SLC45A4: variants seen among roughly 807,000 people sequenced by gnomAD.
SLC45A4 encodes the protein polyamine-transporter SLC45A4.
SLC45A4 carries 32 observed loss-of-function variants against 63.7 expected under a neutral mutation model. That is an observed-to-expected ratio of 0.50 (90% CI 0.38 to 0.67). The LOEUF is 0.67. SLC45A4 is among the 30% of genes least tolerant of loss of function. The pLI, the probability that SLC45A4 is intolerant of heterozygous loss-of-function variation, is 0.00. For missense variants in SLC45A4, 1,027 were observed against 1,157.7 expected, an observed-to-expected ratio of 0.89 and a Z score of 1.64; for synonymous variants, 535 against 510.0, an observed-to-expected ratio of 1.05 and a Z score of -0.66.
At position 141,256,895 on chromosome 8, in the gene SLC45A4, C is replaced by T. The variant is rs942472688; in HGVS notation, c.-400-2266G>A. 14 of 327,086 alleles carry T rather than the reference C, an allele frequency of 4.3e-5. No homozygotes were observed. Among genetic ancestry groups the T allele is most frequent in the African/African-American group, 2.6e-4 (12 of 46,008 alleles). 20.3% of individuals were successfully genotyped at this position (327,086 alleles called of 1,614,324 possible). On this transcript the variant is annotated intron_variant, in intron 1 of 8. Coordinates refer to ENST00000517878, the MANE Select transcript of SLC45A4 (RefSeq NM_001286646.2). This position sits in a 1 kb window ranked among gnomAD's most constrained non-coding sequence, Gnocchi z 4.3. ...TTTTGAGACAGTCTCGCTCTGTTGC[C>T]CAGGCTGGAGTGCAGTGGTGTGATC... is the stretch of plus-strand genomic sequence containing the variant.
intron 1 of SLC45A4, among the ~76,000 whole-genome samples, chr8:141,262,807 G>A (rs1426579767): frequency 2.0e-5 from 3 of 149,794 alleles, no homozygotes; most frequent in Non-Finnish European, 3.0e-5. Flanking sequence ...TCAGTGTGGC[G>A]ATTCCTCAGG....
At position 141,221,780 on chromosome 8, in the gene SLC45A4, A is replaced by T; in HGVS notation, c.242-15T>A. The T allele has an allele frequency of 6.2e-7, 1 of 1,608,132 alleles. No homozygotes were observed. The highest frequency in any genetic ancestry group is 1.1e-5 in the South Asian group (1 of 90,966). ...CTCCGGAAGGCCTGCAAGGGACACG[A>T]GGGCCGTCGCACACGCAGGCACTGG... On this transcript the variant is annotated splice_polypyrimidine_tract_variant and intron_variant, in intron 2 of 8. Transcript: ENST00000517878.
At position 141,274,698 on chromosome 8, in the gene SLC45A4, A is replaced by T. The variant is rs142667563; in HGVS notation, c.-400-20069T>A. ...TCTCCTCAATACCAGGGGCTCCGCC[A>T]GAAACTAAGGCTGAAGGTCAGCCAT... is the stretch of plus-strand genomic sequence containing the variant. On this transcript the variant is annotated intron_variant, in intron 1 of 8. Coordinates refer to ENST00000517878, the MANE Select transcript of SLC45A4 (RefSeq NM_001286646.2). Among the ~76,000 whole-genome samples, 575 of 152,326 alleles carry T rather than the reference A, an allele frequency of 3.8e-3. 8 individuals carry two copies. Among genetic ancestry groups the T allele is most frequent in the African/African-American group, 0.013 (549 of 41,582 alleles).
At chr8:141,302,393 T>G (rs1338014007) in intron 1 of SLC45A4, among the ~76,000 whole-genome samples, 3 of 49,232 alleles carry the variant, frequency 6.1e-5, no homozygotes, top group South Asian at 7.3e-4. Context: ...CCATCCCCGC[T>G]GCCCTCCCTC....
At chr8:141,216,029 C>T (rs981577760) in intron 6 of SLC45A4, 59 bp from the exon 7 acceptor site, 193 of 1,480,524 alleles carry the variant, frequency 1.3e-4, no homozygotes, top group Middle Eastern at 3.9e-4. Flanking sequence ...CTGTCGGGCT[C>T]CCTCCACCAT....
intron 1 of SLC45A4, among the ~76,000 whole-genome samples, chr8:141,288,776 A>G (rs888145630): frequency 2.0e-5 from 3 of 152,226 alleles, no homozygotes; most frequent in African/African-American, 7.2e-5. Flanking sequence ...GGCCCTGGCT[A>G]CTTCATGCAG....
At chr8:141,255,712 T>A (rs1340340640) in intron 1 of SLC45A4, among the ~76,000 whole-genome samples, 4 of 149,530 alleles carry the variant, frequency 2.7e-5, no homozygotes, top group African/African-American at 5.0e-5. Context: ...TGAGACCCTG[T>A]CTCAAAAAAC....
In SLC45A4 at chr8:141,256,909, AG is replaced by A. The variant is rs1310606383; in HGVS notation, c.-400-2281del. On this transcript the variant is annotated intron_variant, in intron 1 of 8. Transcript: ENST00000517878. The surrounding 1 kb of genome is among the most constrained non-coding windows in gnomAD (Gnocchi z 4.3). ...CGCTCTGTTGCCCAGGCTGGAGTGC[AG>A]TGGTGTGATCTCGGCTCACTGCAAC... is the stretch of plus-strand genomic sequence containing the variant. 6 of 303,090 alleles carry A rather than the reference AG, an allele frequency of 2.0e-5. No individual in the cohort carries two copies. The East Asian group carries it at 5.2e-4, about 26-fold the overall frequency. The allele number at this position is 303,090 out of a possible 1,614,324, so 18.8% of individuals were successfully genotyped here.
chr8:141,287,771 A>C (rs572483117), intron 1 of SLC45A4, among the ~76,000 whole-genome samples: 9 of 152,184 alleles, frequency 5.9e-5, no homozygotes, highest in Non-Finnish European at 1.3e-4. Context: ...AACAGCTAGA[A>C]TCTCCAGCAT....
At chr8:141,263,642 T>C (rs1829134310) in intron 1 of SLC45A4, among the ~76,000 whole-genome samples, 1 of 150,902 alleles carries the variant, frequency 6.6e-6, no homozygotes, top group Non-Finnish European at 1.5e-5. Flanking sequence ...TGGTGGCATG[T>C]GCCTGTAATC....
In SLC45A4 at chr8:141,229,425, C is replaced by G. The variant is rs1168160801; in HGVS notation, c.242-7660G>C. Among the ~76,000 whole-genome samples the G allele has an allele frequency of 6.6e-6, 1 of 152,048 alleles. No homozygotes were observed. The highest frequency in any genetic ancestry group is 1.5e-5 in the Non-Finnish European group (1 of 67,988). Reference sequence around the variant, plus strand: ...ACCCTACCTCCTCTTCTAGAAAACACCAGGCTCACATCCCGCTCAGAACCT... The same window carrying G: ...ACCCTACCTCCTCTTCTAGAAAACAGCAGGCTCACATCCCGCTCAGAACCT... On this transcript the variant is annotated intron_variant, in intron 2 of 8. Coordinates refer to ENST00000517878, the MANE Select transcript of SLC45A4 (RefSeq NM_001286646.2). The surrounding 1 kb of genome is among the most constrained non-coding windows in gnomAD (Gnocchi z 5.0).
chr8:141,217,612 C>T (rs1430310843), intron 5 of SLC45A4, among the ~76,000 whole-genome samples: 11 of 152,344 alleles, frequency 7.2e-5, no homozygotes, highest in African/African-American at 1.2e-4. Flanking sequence ...TCCTGGCAAA[C>T]GCAGCCACAG....
chr8:141,294,820 T>G (rs763820353), intron 1 of SLC45A4, among the ~76,000 whole-genome samples: 1 of 152,198 alleles, frequency 6.6e-6, no homozygotes, highest in African/African-American at 2.4e-5. Context: ...AATCAGCTCC[T>G]AAGTCACCAC....
At chr8:141,289,130 C>T (rs781656814) in intron 1 of SLC45A4, among the ~76,000 whole-genome samples, 2 of 152,076 alleles carry the variant, frequency 1.3e-5, no homozygotes, top group Non-Finnish European at 2.9e-5. Context: ...AGAGGATGAT[C>T]GGAGAAGGCG....
At chr8:141,307,300 A>C (rs1830927366) in intron 1 of SLC45A4, among the ~76,000 whole-genome samples, 1 of 152,214 alleles carries the variant, frequency 6.6e-6, no homozygotes. Context: ...TCTACAGAGC[A>C]GGGAATCTGG....
chr8:141,226,296 A>AC (rs1298662045), intron 2 of SLC45A4: 8 of 152,326 alleles, frequency 5.3e-5, no homozygotes, highest in Admixed American at 1.3e-4. Flanking sequence ...CCACCGTGGC[A>AC]CCACCGCCCG....
intron 1 of SLC45A4, among the ~76,000 whole-genome samples, chr8:141,292,258 T>C (rs1023289137): frequency 1.3e-5 from 2 of 152,216 alleles, no homozygotes; most frequent in South Asian, 2.1e-4. Context: ...CGCGGCATTC[T>C]GGGCCCGCCA....
At chr8:141,275,663 C>T (rs1045688301) in intron 1 of SLC45A4, among the ~76,000 whole-genome samples, 2 of 151,588 alleles carry the variant, frequency 1.3e-5, no homozygotes, top group Non-Finnish European at 2.9e-5. Context: ...GCTTATTACA[C>T]CACTAAGAAA....
chr8:141,246,680 G>GA (rs1247532210), intron 2 of SLC45A4, among the ~76,000 whole-genome samples: 2 of 48,766 alleles, frequency 4.1e-5, no homozygotes, highest in Non-Finnish European at 4.7e-5. Flanking sequence ...TATCTCAGGG[G>GA]TCTCTTAGAG....
Sources: allele counts gnomAD v4.1 joint callset (sites outside exome capture counted in the v4.1 genomes callset), GRCh38; gene constraint gnomAD v4.1.1; non-coding constraint Gnocchi (gnomAD v3.1); transcripts MANE v1.5; gene names NCBI Gene and HGNC (gene_info 2026-07-23, HGNC 2026-07-21).